Variants in FARP2 observed in about 807,000 individuals in gnomAD.
The protein encoded by FARP2 is FERM, ARHGEF and pleckstrin domain-containing protein 2.
FARP2 carries 111 observed loss-of-function variants against 130.5 expected under a neutral mutation model. That is an observed-to-expected ratio of 0.85 (90% confidence interval 0.73 to 1.00). The LOEUF (loss-of-function observed/expected upper bound fraction) is 1.00. FARP2 is among the 50% of genes least tolerant of loss of function. The probability of loss-of-function intolerance (pLI) is 0.00; values close to 1 mark genes in which losing one functional copy is unlikely to be tolerated. For missense variants in FARP2, 1,385 were observed against 1,346.3 expected (o/e 1.03, Z -0.45); for synonymous variants, 504 against 516.9 (o/e 0.98, Z 0.34).
intron 2 of FARP2, among the ~76,000 whole-genome samples, chr2:241,377,913 C>T (rs2061575091): frequency 6.6e-6 from 1 of 152,200 alleles, no homozygotes; most frequent in East Asian, 1.9e-4. Flanking sequence ...TAGGTCTAAT[C>T]ATTAAAGGAA....
At chr2:241,437,239 A>G (rs1204549684) in intron 12 of FARP2, among the ~76,000 whole-genome samples, 1 of 152,228 alleles carries the variant, frequency 6.6e-6, no homozygotes, top group Non-Finnish European at 1.5e-5. Context: ...TGTCTTTGGC[A>G]TGATTGCAAC....
At chr2:241,382,459 T>G (rs2061685940) in intron 2 of FARP2, among the ~76,000 whole-genome samples, 1 of 151,968 alleles carries the variant, frequency 6.6e-6, no homozygotes, top group Non-Finnish European at 1.5e-5. Context: ...AATTTTGCAT[T>G]TTTTGGAGAG....
intron 2 of FARP2, among the ~76,000 whole-genome samples, chr2:241,394,334 C>T (rs192835237): frequency 1.4e-3 from 220 of 151,966 alleles, no homozygotes; most frequent in Admixed American, 4.2e-3. Context: ...CTGGCTAACA[C>T]GGTGAAACCC....
intron 1 of FARP2, among the ~76,000 whole-genome samples, chr2:241,359,455 G>T (rs1005148097): frequency 6.6e-6 from 1 of 152,102 alleles, no homozygotes; most frequent in East Asian, 1.9e-4. Flanking sequence ...TAGAGCTCGC[G>T]CAGCACAACC....
At chr2:241,384,911 C>G (rs1414175656) in intron 2 of FARP2, among the ~76,000 whole-genome samples, 1 of 152,072 alleles carries the variant, frequency 6.6e-6, no homozygotes, top group African/African-American at 2.4e-5. Flanking sequence ...TTGCTTCTGG[C>G]TTTAATTTAC....
chr2:241,411,221 C>A (rs138243192), intron 6 of FARP2, 91 bp downstream of exon 6: 1 of 862,660 alleles, frequency 1.2e-6, no homozygotes, highest in Non-Finnish European at 1.9e-6. Context: ...GATGTATTTG[C>A]CTAGTTAGTG....
Position 241,434,140 on chromosome 2 carries a change from T to G in FARP2, c.868-18T>G. The G allele has an allele frequency of 6.3e-7, 1 of 1,578,698 alleles. No homozygotes were observed. Among genetic ancestry groups the G allele is most frequent in the Admixed American group, 1.8e-5 (1 of 54,344 alleles). ...TACTTCATTCTTGAATTAATTAACC[T>G]TTGTGTTTTGTTTCTAGGGACCTTA... On this transcript the variant is annotated intron_variant, in intron 9 of 26. Transcript: ENST00000264042.
At chr2:241,367,481 A>G (rs1157573253) in intron 1 of FARP2, among the ~76,000 whole-genome samples, 6 of 152,130 alleles carry the variant, frequency 3.9e-5, no homozygotes, top group Admixed American at 6.5e-5. Flanking sequence ...TGCTGCAGTA[A>G]AGAGGTAATG....
chr2:241,411,213 T>C, intron 6 of FARP2, 83 bp downstream of exon 6: 1 of 931,888 alleles, frequency 1.1e-6, no homozygotes, highest in South Asian at 1.4e-5. Flanking sequence ...TAGTTGCTGA[T>C]GTATTTGCCT....
At chr2:241,447,782 C>CGGGGGT (rs2063545523) in intron 13 of FARP2, among the ~76,000 whole-genome samples, 1 of 152,154 alleles carries the variant, frequency 6.6e-6, no homozygotes, top group African/African-American at 2.4e-5. Context: ...CACACGCCTG[C>CGGGGGT]GGGGGTGGGG....
chr2:241,403,481 G>A (rs538016951), intron 2 of FARP2, among the ~76,000 whole-genome samples: 1 of 152,224 alleles, frequency 6.6e-6, no homozygotes, highest in African/African-American at 2.4e-5. Flanking sequence ...CAAATTGCTG[G>A]TATTATAGGC....
At chr2:241,446,317 A>C (rs966630139) in intron 13 of FARP2, 1 of 152,154 alleles carries the variant, frequency 6.6e-6, no homozygotes, top group Non-Finnish European at 1.5e-5. Context: ...CTGATGATTG[A>C]GGGATGGACA....
chr2:241,399,139 T>C lies in FARP2; in HGVS notation c.184-4689T>C, dbSNP rs555886999. 7.9e-5 allele frequency among the ~76,000 whole-genome samples: 12 copies of C among 152,364 alleles called. No individual in the cohort carries two copies. In the South Asian group the frequency reaches 2.5e-3, roughly 32 times the overall value. On this transcript the variant is annotated intron_variant, in intron 2 of 26. Coordinates refer to ENST00000264042, the MANE Select transcript of FARP2 (RefSeq NM_014808.4). ...ATTGTGGTTTTAGTGTGCATTTCCT[T>C]GATGTAATATTGTCCAACTTTTCTT...
At position 241,433,059 on chromosome 2, in the gene FARP2, A is replaced by G. The variant is rs114707321; in HGVS notation, c.868-1099A>G. 5.4e-3 allele frequency among the ~76,000 whole-genome samples: 822 copies of G among 152,232 alleles called. 13 individuals are homozygous for G. The highest frequency in any genetic ancestry group is 0.019 in the African/African-American group (770 of 41,538). On this transcript the variant is annotated intron_variant, in intron 9 of 26. Coordinates refer to ENST00000264042, the MANE Select transcript of FARP2 (RefSeq NM_014808.4). ...TGTTGTACAAATATCTGTCCTGTGGATGAAGGGGAAGTAGAAGGAATGCCA... is the reference window on the plus strand; with the variant it reads ...TGTTGTACAAATATCTGTCCTGTGGGTGAAGGGGAAGTAGAAGGAATGCCA...
chr2:241,468,476 G>C, intron 18 of FARP2, 99 bp downstream of exon 18: 1 of 851,976 alleles, frequency 1.2e-6, no homozygotes. Flanking sequence ...ACTGGGAAGC[G>C]CAGGAGTCCA....
chr2:241,451,160 G>C lies in FARP2; in HGVS notation c.1412-5587G>C, dbSNP rs191680844. Among the ~76,000 whole-genome samples the C allele has an allele frequency of 2.6e-5, 4 of 152,088 alleles. No homozygotes were observed. The East Asian group carries it at 7.7e-4, about 29-fold the overall frequency. ...TTATTAATTTTTTTGTTTTTGTAGA[G>C]ACAGGGTTTCACTGTGTTGCCAAGG... On this transcript the variant is annotated intron_variant, in intron 13 of 26. Coordinates refer to ENST00000264042, the MANE Select transcript of FARP2 (RefSeq NM_014808.4).
intron 19 of FARP2, chr2:241,478,273 C>G (rs1043905388): frequency 2.8e-5 from 5 of 178,710 alleles, no homozygotes; most frequent in African/African-American, 1.2e-4. Context: ...GCACTTTAGC[C>G]TGGACAACAG....
At chr2:241,370,082 A>T (rs1290802006) in intron 1 of FARP2, among the ~76,000 whole-genome samples, 4 of 152,206 alleles carry the variant, frequency 2.6e-5, no homozygotes, top group African/African-American at 9.6e-5. Context: ...GGGTACAAAA[A>T]TGCAGTAAGA....
At position 241,483,673 on chromosome 2, in the gene FARP2, T is replaced by C. The variant is rs1290529682; in HGVS notation, c.2331+140T>C. The C allele has an allele frequency of 3.9e-5, 49 of 1,255,380 alleles. No individual in the cohort carries two copies. The East Asian group carries it at 8.3e-4, about 21-fold the overall frequency. 77.8% of individuals were successfully genotyped at this position (1,255,380 alleles called of 1,614,324 possible). A position where few individuals can be genotyped will look rare whatever the true frequency, so the allele number is the denominator to read the frequency against. On this transcript the variant is annotated intron_variant, in intron 20 of 26. Coordinates refer to ENST00000264042, the MANE Select transcript of FARP2 (RefSeq NM_014808.4). ...GAGGCTTTGGTCCAGGTGGGTAGCGTTGGAGTCAGACAGGGCCAGGGGAGG... is the reference window on the plus strand; with the variant it reads ...GAGGCTTTGGTCCAGGTGGGTAGCGCTGGAGTCAGACAGGGCCAGGGGAGG...
Sources: gnomAD v4.1 joint callset for allele counts (sites outside exome capture counted in the v4.1 genomes callset) on GRCh38, gnomAD v4.1.1 for gene constraint, MANE v1.5 for transcripts, NCBI Gene and HGNC (gene_info 2026-07-23, HGNC 2026-07-21) for gene names.